Variants in DNM1 observed in about 807,000 individuals in gnomAD.
DNM1 encodes dynamin-1.
A neutral mutation model predicts 104.6 loss-of-function variants in DNM1; 29 were observed. The observed-to-expected ratio is 0.28, with a 90% confidence interval of 0.21 to 0.38. The LOEUF (loss-of-function observed/expected upper bound fraction) is 0.38, where lower values mean the gene tolerates loss of function less well. DNM1 is among the 10% of genes least tolerant of loss of function. DNM1 has a pLI of 1.00. For synonymous variants in DNM1, 445 were observed against 475.8 expected (o/e 0.94, Z 0.84); for missense variants, 640 against 1,189.4 (o/e 0.54, Z 6.79).
Position 128,222,728 on chromosome 9 carries a change from C to T in DNM1, c.1129-65C>T. ...GCCCAGCCCTAGGTGTGGGGTGGGCCCTGTCTTGACCTCCCAGGTAGTAGG... is the reference window on the plus strand; with the variant it reads ...GCCCAGCCCTAGGTGTGGGGTGGGCTCTGTCTTGACCTCCCAGGTAGTAGG... On this transcript the variant is annotated intron_variant, in intron 8 of 21. Coordinates refer to ENST00000372923, the MANE Select transcript of DNM1 (RefSeq NM_004408.4). The surrounding 1 kb of genome is among the most constrained non-coding windows in gnomAD (Gnocchi z 7.8). 1.2e-6 allele frequency: 2 copies of T among 1,605,754 alleles called. No homozygotes were observed. Among genetic ancestry groups the T allele is most frequent in the East Asian group, 2.2e-5 (1 of 44,824 alleles).
intron 1 of DNM1, among the ~76,000 whole-genome samples, chr9:128,206,249 G>T (rs954830922): frequency 6.6e-6 from 1 of 152,180 alleles, no homozygotes; most frequent in Non-Finnish European, 1.5e-5. Flanking sequence ...GCCCACCCGG[G>T]CTTCTGGGTG....
In DNM1 at chr9:128,240,975, C is replaced by G. The variant is rs774174064; in HGVS notation, c.1557+979C>G. ...AGGTGGCAAGATCTGCTGGTCACAT[C>G]GTGGGACACAGTGGACTCAATTCCA... On this transcript the variant is annotated intron_variant, in intron 14 of 21. Transcript: ENST00000372923. This position sits in a 1 kb window ranked among gnomAD's most constrained non-coding sequence, Gnocchi z 5.1. 6.6e-6 allele frequency: 1 copy of G among 152,484 alleles called. No homozygotes were observed. Among genetic ancestry groups the G allele is most frequent in the Non-Finnish European group, 1.5e-5 (1 of 68,230 alleles). The allele number at this position is 152,484 out of a possible 1,614,324, so 9.4% of individuals were successfully genotyped here. A position where few individuals can be genotyped will look rare whatever the true frequency, so the allele number is the denominator to read the frequency against.
chr9:128,224,622 T>C lies in DNM1; in HGVS notation c.1335+233T>C, dbSNP rs1449064674. On this transcript the variant is annotated intron_variant, in intron 10 of 21. Coordinates refer to ENST00000372923, the MANE Select transcript of DNM1 (RefSeq NM_004408.4). This position sits in a 1 kb window ranked among gnomAD's most constrained non-coding sequence, Gnocchi z 4.3. ...TTGGACATGGGTGAGACGGGGATGA[T>C]GGCTGGCTGTTTACCCCAAGAGCCC... Among the ~76,000 whole-genome samples, 2 of 151,994 alleles carry C rather than the reference T, an allele frequency of 1.3e-5. No individual in the cohort carries two copies. Among genetic ancestry groups the C allele is most frequent in the Non-Finnish European group, 2.9e-5 (2 of 67,956 alleles).
At chr9:128,227,245 C>T (rs1030437103) in intron 10 of DNM1, among the ~76,000 whole-genome samples, 7 of 151,712 alleles carry the variant, frequency 4.6e-5, no homozygotes, top group Middle Eastern at 3.4e-3. Context: ...AACCCCTGAC[C>T]GGAGGTGATC....
intron 21 of DNM1, chr9:128,252,913 G>T: frequency 1.4e-6 from 1 of 694,632 alleles, no homozygotes; most frequent in Non-Finnish European, 2.6e-6. Flanking sequence ...GCTGGGCACT[G>T]GGAGGTGGCG....
rs778431149 is a variant in DNM1 at position 128,247,891 on chromosome 9, G to A, written c.1894-33G>A. 3 of 1,611,640 alleles carry A rather than the reference G, an allele frequency of 1.9e-6. No individual in the cohort carries two copies. Among genetic ancestry groups the A allele is most frequent in the Admixed American group, 1.7e-5 (1 of 59,844 alleles). ...TTCGGCTGTGCTCCCTGGTGGTGGC[G>A]GCGGTGGCAATGTTGGTGTGTGGGC... On this transcript the variant is annotated intron_variant, in intron 17 of 21. Transcript: ENST00000372923. This position sits in a 1 kb window ranked among gnomAD's most constrained non-coding sequence, Gnocchi z 5.1.
intron 10 of DNM1, 53 bp from the exon 11 acceptor site, chr9:128,233,967 TC>T: frequency 6.6e-7 from 1 of 1,506,536 alleles, no homozygotes; most frequent in Non-Finnish European, 9.0e-7. Flanking sequence ...GTGTGGGTGC[TC>T]CCTGCCCGTG....
intron 11 of DNM1, among the ~76,000 whole-genome samples, chr9:128,238,208 C>T (rs1404726519): frequency 6.6e-6 from 1 of 151,348 alleles, no homozygotes; most frequent in Non-Finnish European, 1.5e-5. Context: ...TAAAAAGCCT[C>T]TGTTTGTTTG....
At position 128,224,828 on chromosome 9, in the gene DNM1, G is replaced by T. The variant is rs990873979; in HGVS notation, c.1335+439G>T. Among the ~76,000 whole-genome samples, 4 of 152,156 alleles carry T rather than the reference G, an allele frequency of 2.6e-5. No homozygotes were observed. Among genetic ancestry groups the T allele is most frequent in the African/African-American group, 7.2e-5 (3 of 41,418 alleles). On this transcript the variant is annotated intron_variant, in intron 10 of 21. Transcript: ENST00000372923. This position sits in a 1 kb window ranked among gnomAD's most constrained non-coding sequence, Gnocchi z 4.3. ...CGGTGGGCCTGGGTGGCCAGAGGGG[G>T]TGCAGAGGACCCAGGACTAGCAGGT...
chr9:128,239,905 A>G, intron 13 of DNM1, 80 bp from the exon 14 acceptor site: 12 of 1,592,876 alleles, frequency 7.5e-6, no homozygotes, highest in Non-Finnish European at 1.0e-5. Flanking sequence ...TGCCAGCCAC[A>G]AGCCTCCCAC....
At chr9:128,219,692 G>A (rs1834828292) in intron 4 of DNM1, among the ~76,000 whole-genome samples, 1 of 152,100 alleles carries the variant, frequency 6.6e-6, no homozygotes, top group South Asian at 2.1e-4. Flanking sequence ...GCTGGGTGCA[G>A]TGGCTCATGC....
In DNM1 at chr9:128,254,392, C is replaced by G; in HGVS notation, c.2535-262C>G. The G allele has an allele frequency of 7.1e-7, 1 of 1,416,568 alleles. No individual in the cohort carries two copies. The highest frequency in any genetic ancestry group is 9.1e-7 in the Non-Finnish European group (1 of 1,093,074). 87.7% of individuals were successfully genotyped at this position (1,416,568 alleles called of 1,614,324 possible). On this transcript the variant is annotated intron_variant, in intron 21 of 21. Coordinates refer to ENST00000372923, the MANE Select transcript of DNM1 (RefSeq NM_004408.4). The surrounding 1 kb of genome is among the most constrained non-coding windows in gnomAD (Gnocchi z 6.1). ...CCCTGCCTGGGTGCCGTGTGAGAGG[C>G]CAGCGTGTGTGGGGTGGGGAGGGCC... is the stretch of plus-strand genomic sequence containing the variant.
Position 128,250,749 on chromosome 9 carries a change from G to T in DNM1, c.2343G>T (p.Pro781=), listed in dbSNP as rs1384605424. The part of the protein sequence containing the change: ...GRRSPTSSPT[P]QRRAPAVPPA... ...GGTCGCCCACGTCCAGCCCCACGCCGCAGCGCCGAGCCCCCGCCGTGCCCC... is the reference window on the plus strand; with the variant it reads ...GGTCGCCCACGTCCAGCCCCACGCCTCAGCGCCGAGCCCCCGCCGTGCCCC... The change falls in exon 21 of 22, where the codon CCG becomes CCT. Residue 781 remains proline (P), a synonymous_variant. Transcript: ENST00000372923. The T allele has an allele frequency of 1.4e-6, 2 of 1,434,850 alleles. No individual in the cohort carries two copies. The highest frequency in any genetic ancestry group is 6.1e-5 in the East Asian group (2 of 32,718). 88.9% of individuals were successfully genotyped at this position (1,434,850 alleles called of 1,614,324 possible).
At position 128,240,284 on chromosome 9, in the gene DNM1, C is replaced by G; in HGVS notation, c.1557+288C>G. ...GGAGTAGGTGCTCCTTAAACATCTG[C>G]TGGATGGAGGGATGCACGTGAGCAA... On this transcript the variant is annotated intron_variant, in intron 14 of 21. Transcript: ENST00000372923. The surrounding 1 kb of genome is among the most constrained non-coding windows in gnomAD (Gnocchi z 5.1). 2 of 459,182 alleles carry G rather than the reference C, an allele frequency of 4.4e-6. No homozygotes were observed. Among genetic ancestry groups the G allele is most frequent in the Non-Finnish European group, 7.8e-6 (2 of 254,850 alleles). 28.4% of individuals were successfully genotyped at this position (459,182 alleles called of 1,614,324 possible). A position where few individuals can be genotyped will look rare whatever the true frequency, so the allele number is the denominator to read the frequency against.
rs966222897 is a variant in DNM1, at chr9:128,254,860, G to C, written c.*146G>C. On this transcript the variant is annotated 3_prime_UTR_variant, in exon 22 of 22. Transcript: ENST00000372923. This position sits in a 1 kb window ranked among gnomAD's most constrained non-coding sequence, Gnocchi z 6.1. Reference sequence around the variant, plus strand: ...TGTAGTGGTGAGCTGATACATTCAGGTGTGACCGTTGGTGAAAACTTGTGC... The same window carrying C: ...TGTAGTGGTGAGCTGATACATTCAGCTGTGACCGTTGGTGAAAACTTGTGC... The C allele has an allele frequency of 6.8e-5, 47 of 692,066 alleles. No homozygotes were observed. The highest frequency in any genetic ancestry group is 6.6e-4 in the African/African-American group (37 of 55,728). 42.9% of individuals were successfully genotyped at this position (692,066 alleles called of 1,614,324 possible).
At chr9:128,226,254 T>G in intron 10 of DNM1, 1 of 1,575,128 alleles carries the variant, frequency 6.3e-7, no homozygotes, top group Non-Finnish European at 8.6e-7. Context: ...AAGGATCTGC[T>G]GAGCCGGCCT....
chr9:128,244,687 C>T (rs768742034), intron 15 of DNM1: 1 of 514,514 alleles, frequency 1.9e-6, no homozygotes, highest in Admixed American at 2.0e-5. Context: ...GGATGGCAGG[C>T]AGGGGTCGGT....
chr9:128,209,789 C>T (rs763062444), intron 1 of DNM1, among the ~76,000 whole-genome samples: 12 of 152,122 alleles, frequency 7.9e-5, no homozygotes, highest in Non-Finnish European at 1.5e-4. Flanking sequence ...TGGGCCTGGG[C>T]GGTGGGCTTG....
chr9:128,234,651 G>A (rs909601183), intron 11 of DNM1, among the ~76,000 whole-genome samples: 4 of 152,150 alleles, frequency 2.6e-5, no homozygotes, highest in Non-Finnish European at 4.4e-5. Context: ...TGGGATTACA[G>A]GCGTGAGCCA....
Sources: gnomAD v4.1 joint callset for allele counts (sites outside exome capture counted in the v4.1 genomes callset) on GRCh38, gnomAD v4.1.1 for gene constraint, Gnocchi (gnomAD v3.1) non-coding constraint, MANE v1.5 for transcripts, NCBI Gene and HGNC (gene_info 2026-07-23, HGNC 2026-07-21) for gene names.